Variants in RGPD3 observed in about 807,000 individuals in gnomAD.
RGPD3 encodes RANBP2 like and GRIP domain containing 3.
In RGPD3, 62 loss-of-function variants were observed where a neutral mutation model predicts 154.5. The ratio of observed to expected loss-of-function variants is 0.40; its 90% CI spans 0.33 to 0.50. The LOEUF is 0.50. RGPD3 is among the 20% of genes least tolerant of loss of function. The pLI, the probability that RGPD3 is intolerant of heterozygous loss-of-function variation, is 0.59. For missense variants in RGPD3, 919 were observed against 1,716.8 expected, an observed-to-expected ratio of 0.54 and a Z score of 8.21; for synonymous variants, 308 against 607.0, an observed-to-expected ratio of 0.51 and a Z score of 7.24.
At chr2:106,468,414 G>C, upstream of RGPD3, 1 of 1,518,270 alleles carries the variant, frequency 6.6e-7, no homozygotes, top group Admixed American at 2.1e-5. Context: ...GGACCACTGT[G>C]ACGAACTTGT....
At chr2:106,451,044 G>A (rs1430002219) in intron 6 of RGPD3, among the ~76,000 whole-genome samples, 3 of 146,812 alleles carry the variant, frequency 2.0e-5, no homozygotes, top group Admixed American at 6.9e-5. Context: ...AGTCAAGGTC[G>A]TGCCACTGCA....
At chr2:106,469,234 T>C (rs1359011725), upstream of RGPD3, among the ~76,000 whole-genome samples, 3 of 142,364 alleles carry the variant, frequency 2.1e-5, no homozygotes, top group African/African-American at 5.3e-5. Flanking sequence ...CTAAGTCTAC[T>C]AGCAAAATCT....
intron 7 of RGPD3, among the ~76,000 whole-genome samples, chr2:106,445,375 G>C (rs1257570524): frequency 2.7e-5 from 4 of 149,358 alleles, no homozygotes; most frequent in Non-Finnish European, 4.5e-5. Flanking sequence ...GTATTACCTA[G>C]TGAACCTCAC....
intron 8 of RGPD3, among the ~76,000 whole-genome samples, chr2:106,439,809 T>G (rs1573275430): frequency 1.1e-5 from 1 of 93,804 alleles, no homozygotes; most frequent in African/African-American, 3.9e-5. Flanking sequence ...GAGCTTGCAG[T>G]GAGCCGAGAT....
At chr2:106,441,790 G>T (rs1489488641) in intron 7 of RGPD3, among the ~76,000 whole-genome samples, 1 of 149,134 alleles carries the variant, frequency 6.7e-6, no homozygotes, top group Non-Finnish European at 1.5e-5. Flanking sequence ...CTTGAACCTG[G>T]GAGGCAGAGG....
chr2:106,465,470 A>T (rs1187516850), intron 1 of RGPD3, among the ~76,000 whole-genome samples: 22 of 152,146 alleles, frequency 1.4e-4, no homozygotes, highest in Non-Finnish European at 2.9e-5. Context: ...TGTAGTTGAA[A>T]GAACATTCTA....
chr2:106,428,654 A>G (rs1677271343), intron 18 of RGPD3, among the ~76,000 whole-genome samples: 1 of 151,058 alleles, frequency 6.6e-6, no homozygotes, highest in South Asian at 2.1e-4. Flanking sequence ...TCTAAACCAG[A>G]TTTTATTCTA....
intron 6 of RGPD3, among the ~76,000 whole-genome samples, chr2:106,449,973 C>T (rs1205788939): frequency 8.7e-5 from 13 of 149,604 alleles, no homozygotes; most frequent in Admixed American, 2.0e-4. Flanking sequence ...GCCGAGATGG[C>T]GCCACTGCAC....
Position 106,428,736 on chromosome 2 carries a change from G to A in RGPD3, c.2605+910C>T, listed in dbSNP as rs565232756. On this transcript the variant is annotated intron_variant, in intron 18 of 22. Coordinates refer to ENST00000409886, the MANE Select transcript of RGPD3 (RefSeq NM_001144013.2). ...ACTACTACCATTTCAGAAGTCTGTC[G>A]TACATAAAAGGAACAATTTTGTTAT... is the stretch of plus-strand genomic sequence containing the variant. 1.7e-3 allele frequency among the ~76,000 whole-genome samples: 260 copies of A among 151,276 alleles called. 1 individual carries two copies. The highest frequency in any genetic ancestry group is 5.7e-3 in the African/African-American group (234 of 41,170).
intron 22 of RGPD3, among the ~76,000 whole-genome samples, chr2:106,410,253 G>A (rs1447593631): frequency 6.6e-6 from 1 of 151,986 alleles, no homozygotes; most frequent in Admixed American, 6.6e-5. Flanking sequence ...ATTATAATAA[G>A]GTCTCTTTTA....
chr2:106,449,860 A>G lies in RGPD3; in HGVS notation c.783-2247T>C, dbSNP rs545397628. The stretch of plus-strand genomic sequence containing the variant: ...GTGAAACCCCATCTCTACTAAAAAT[A>G]CAAAAAATTAGCTGGGTGTGGTGGC... On this transcript the variant is annotated intron_variant, in intron 6 of 22. Transcript: ENST00000409886. Among the ~76,000 whole-genome samples the G allele has an allele frequency of 1.9e-3, 284 of 151,922 alleles. 2 individuals are homozygous for G. In the South Asian group the frequency reaches 0.025, roughly 13 times the overall value.
At chr2:106,420,262 A>G (rs1676938968) in intron 20 of RGPD3, among the ~76,000 whole-genome samples, 1 of 146,914 alleles carries the variant, frequency 6.8e-6, no homozygotes, top group Non-Finnish European at 1.5e-5. Flanking sequence ...CTCTATGGGT[A>G]GCTAACACTA....
intron 6 of RGPD3, among the ~76,000 whole-genome samples, chr2:106,448,913 G>C (rs569336513): frequency 6.6e-6 from 1 of 150,634 alleles, no homozygotes; most frequent in African/African-American, 2.4e-5. Flanking sequence ...GGATGGTCTC[G>C]ATCTCCTGAC....
At chr2:106,442,496 TGAAA>T (rs1558852094) in intron 7 of RGPD3, among the ~76,000 whole-genome samples, 1 of 82,380 alleles carries the variant, frequency 1.2e-5, no homozygotes, top group Admixed American at 1.2e-4. Context: ...CAATAACCTA[TGAAA>T]AAAAAAAAAA....
intron 20 of RGPD3, among the ~76,000 whole-genome samples, chr2:106,419,188 A>G (rs1168698059): frequency 5.2e-5 from 7 of 133,966 alleles, no homozygotes; most frequent in African/African-American, 1.9e-4. Flanking sequence ...TTTGGCATAT[A>G]TTAAATTCTT....
intron 1 of RGPD3, among the ~76,000 whole-genome samples, chr2:106,466,308 C>G (rs1394884224): frequency 1.3e-5 from 2 of 151,140 alleles, no homozygotes; most frequent in Admixed American, 6.6e-5. Flanking sequence ...CGCAACAGAG[C>G]GCGCCAGGGA....
At chr2:106,412,743 C>T (rs1264294349) in intron 22 of RGPD3, 1 of 485,668 alleles carries the variant, frequency 2.1e-6, no homozygotes, top group African/African-American at 1.9e-5. Flanking sequence ...AGAAAAGGAA[C>T]AAGCTAATAA....
chr2:106,417,935 C>A (rs1405461083), intron 20 of RGPD3, among the ~76,000 whole-genome samples: 1 of 149,592 alleles, frequency 6.7e-6, no homozygotes, highest in African/African-American at 2.5e-5. Context: ...TCAAGACCAG[C>A]CTGGCCAAGA....
intron 15 of RGPD3, 60 bp downstream of exon 15, chr2:106,434,168 G>C (rs188048799): frequency 6.3e-7 from 1 of 1,593,924 alleles, no homozygotes; most frequent in Non-Finnish European, 8.6e-7. Flanking sequence ...TAAGACCAAC[G>C]CAAAAACACT....
Sources: gnomAD v4.1 joint callset for allele counts (sites outside exome capture counted in the v4.1 genomes callset) on GRCh38, gnomAD v4.1.1 for gene constraint, MANE v1.5 for transcripts, NCBI Gene and HGNC (gene_info 2026-07-23, HGNC 2026-07-21) for gene names.